Variants in SLC38A12 observed in about 807,000 individuals in gnomAD.
SLC38A12 encodes the protein putative sodium-coupled neutral amino acid transporter 12.
At chr17:74,829,723 A>C in the SLC38A12 span, among the ~76,000 whole-genome samples, 1 of 152,028 alleles carries the variant, frequency 6.6e-6, no homozygotes, top group African/African-American at 2.4e-5. The surrounding 1 kb of genome is among the most constrained non-coding windows in gnomAD (Gnocchi z 4.1). Flanking sequence ...GAGCGGAGGT[A>C]GGGGCTCCTG....
the SLC38A12 span, chr17:74,777,396 CT>C: frequency 1.8e-3 from 2,957 of 1,614,116 alleles, 25 homozygotes; most frequent in East Asian, 0.025. Flanking sequence ...CTTATAGAAC[CT>C]TTTGCTCACT....
At chr17:74,799,933 C>G in the SLC38A12 span, among the ~76,000 whole-genome samples, 1 of 152,250 alleles carries the variant, frequency 6.6e-6, no homozygotes. Flanking sequence ...CCCCGCCCTC[C>G]CACGGTTTAC....
chr17:74,820,420 G>A, the SLC38A12 span, among the ~76,000 whole-genome samples: 1 of 152,246 alleles, frequency 6.6e-6, no homozygotes, highest in Non-Finnish European at 1.5e-5. Context: ...CTCAGCTGCG[G>A]TCTGGGCGTC....
At chr17:74,835,168 C>A in the SLC38A12 span, among the ~76,000 whole-genome samples, 1 of 152,216 alleles carries the variant, frequency 6.6e-6, no homozygotes, top group African/African-American at 2.4e-5. Context: ...CACAGAGGGT[C>A]CCCTGTCCCC....
At chr17:74,817,996 G>A in the SLC38A12 span, among the ~76,000 whole-genome samples, 2,431 of 152,260 alleles carry the variant, frequency 0.016, 60 homozygotes, top group African/African-American at 0.055. Context: ...AGGTGGCTCT[G>A]TGTTTATGCA....
At chr17:74,822,404 G>A in the SLC38A12 span, among the ~76,000 whole-genome samples, 82 of 152,384 alleles carry the variant, frequency 5.4e-4, no homozygotes, top group Non-Finnish European at 8.5e-4. Flanking sequence ...GCAGTGCTGC[G>A]GAGCAGGTGA....
At chr17:74,792,491 T>A in the SLC38A12 span, among the ~76,000 whole-genome samples, 5 of 152,208 alleles carry the variant, frequency 3.3e-5, no homozygotes, top group African/African-American at 1.2e-4. Flanking sequence ...TAGTTTTTAA[T>A]GCCCAGACCT....
chr17:74,789,240 G>A, the SLC38A12 span, among the ~76,000 whole-genome samples: 1 of 152,140 alleles, frequency 6.6e-6, no homozygotes, highest in Non-Finnish European at 1.5e-5. Context: ...CAGAAGGAAA[G>A]AACACAGGGG....
At chr17:74,778,078 T>G in the SLC38A12 span, among the ~76,000 whole-genome samples, 3 of 152,184 alleles carry the variant, frequency 2.0e-5, no homozygotes, top group African/African-American at 4.8e-5. Context: ...ACTTTTATAG[T>G]CTTGGATGGC....
chr17:74,838,002 C>T, the SLC38A12 span: 5 of 985,894 alleles, frequency 5.1e-6, no homozygotes, highest in Non-Finnish European at 6.0e-6. Flanking sequence ...AGCCCCTCCC[C>T]TGTATCTCAG....
At chr17:74,793,239 C>G in the SLC38A12 span, among the ~76,000 whole-genome samples, 3 of 152,178 alleles carry the variant, frequency 2.0e-5, no homozygotes, top group African/African-American at 4.8e-5. Context: ...TGGGCCTGTT[C>G]TGTGTGTGGT....
At chr17:74,790,772 TAAA>T in the SLC38A12 span, among the ~76,000 whole-genome samples, 5 of 126,988 alleles carry the variant, frequency 3.9e-5, no homozygotes, top group East Asian at 4.8e-4. Context: ...TGAATTCCCT[TAAA>T]AAAAAAAAAA....
At chr17:74,839,614 A>G in the SLC38A12 span, 2 of 158,906 alleles carry the variant, frequency 1.3e-5, no homozygotes, top group African/African-American at 4.8e-5. Flanking sequence ...CGGGCCTGCC[A>G]TTTGAGGCAG....
the SLC38A12 span, chr17:74,838,856 G>A: frequency 6.5e-7 from 1 of 1,530,752 alleles, no homozygotes. Context: ...GGCAAAGTAG[G>A]CAAGCTCAGC....
chr17:74,812,775 G>C, the SLC38A12 span, among the ~76,000 whole-genome samples: 3 of 152,122 alleles, frequency 2.0e-5, no homozygotes, highest in African/African-American at 7.2e-5. Context: ...GCTTGCTGCT[G>C]TACGAGAAGT....
chr17:74,816,151 G>A, the SLC38A12 span, among the ~76,000 whole-genome samples: 3 of 152,176 alleles, frequency 2.0e-5, no homozygotes, highest in South Asian at 2.1e-4. Flanking sequence ...GCTCCTCCCT[G>A]TCAGCCCCAT....
chr17:74,811,875 AAAT>A, the SLC38A12 span, among the ~76,000 whole-genome samples: 186 of 151,980 alleles, frequency 1.2e-3, no homozygotes, highest in African/African-American at 4.2e-3. Flanking sequence ...TCTGCAAAAA[AAAT>A]AATAATAATA....
At chr17:74,777,601 A>G in the SLC38A12 span, 1 of 1,499,802 alleles carries the variant, frequency 6.7e-7, no homozygotes, top group Non-Finnish European at 8.9e-7. Context: ...TGGTCAAGCC[A>G]AACAAAATCG....
At chr17:74,818,418 C>T in the SLC38A12 span, among the ~76,000 whole-genome samples, 2 of 152,184 alleles carry the variant, frequency 1.3e-5, no homozygotes, top group Non-Finnish European at 2.9e-5. Flanking sequence ...TTTCCTTAAG[C>T]GGCACTTCAG....
Sources: allele counts gnomAD v4.1 joint callset (sites outside exome capture counted in the v4.1 genomes callset), GRCh38; gene constraint gnomAD v4.1.1; non-coding constraint Gnocchi (gnomAD v3.1); transcripts MANE v1.5; gene names NCBI Gene and HGNC (gene_info 2026-07-23, HGNC 2026-07-21).